Variants in HLCS observed in about 807,000 individuals in gnomAD.
HLCS encodes the protein holocarboxylase synthetase.
A neutral mutation model predicts 75.0 loss-of-function variants in HLCS; 53 were observed. The ratio of observed to expected loss-of-function variants is 0.71; its 90% CI spans 0.57 to 0.89. HLCS has a LOEUF of 0.89. HLCS is among the 40% of genes least tolerant of loss of function. HLCS has a pLI of 0.00. For missense variants in HLCS, 966 were observed against 1,074.0 expected, an observed-to-expected ratio of 0.90 and a Z score of 1.41; for synonymous variants, 431 against 428.6, an observed-to-expected ratio of 1.01 and a Z score of -0.07.
At chr21:36,962,465 C>A (rs2068350924) in intron 1 of HLCS, among the ~76,000 whole-genome samples, 1 of 152,142 alleles carries the variant, frequency 6.6e-6, no homozygotes, top group Non-Finnish European at 1.5e-5. Context: ...CTGCTTAGCA[C>A]ACAGTAGCTA....
intron 5 of HLCS, among the ~76,000 whole-genome samples, chr21:36,910,110 C>T (rs1378117670): frequency 2.0e-5 from 3 of 152,322 alleles, no homozygotes; most frequent in East Asian, 3.9e-4. Context: ...TTTGTCTACT[C>T]GTATGGAATT....
At chr21:36,837,109 G>A (rs1021464283) in intron 6 of HLCS, among the ~76,000 whole-genome samples, 2 of 152,164 alleles carry the variant, frequency 1.3e-5, no homozygotes, top group African/African-American at 4.8e-5. Flanking sequence ...CTTGAACCTG[G>A]GAGGCGGAGG....
intron 6 of HLCS, among the ~76,000 whole-genome samples, chr21:36,862,551 A>T (rs927822614): frequency 1.7e-4 from 26 of 152,226 alleles, no homozygotes; most frequent in African/African-American, 4.6e-4. Context: ...GCATCTTTTC[A>T]TGTGCTTAAT....
chr21:36,906,082 G>T (rs1005242890), intron 5 of HLCS, among the ~76,000 whole-genome samples: 3 of 150,522 alleles, frequency 2.0e-5, no homozygotes, highest in Admixed American at 2.0e-4. Context: ...AAAATTGGGT[G>T]CATTTCCATA....
rs1253301796 is a variant in HLCS, at chr21:36,750,692, T to C, written c.*3554A>G. ...GATACAAAGAACATTTGCAAATAAA[T>C]GCCATAAAATTACAGTAGCTTGGAA... On this transcript the variant is annotated 3_prime_UTR_variant, in exon 11 of 11. Transcript: ENST00000674895. Among the ~76,000 whole-genome samples, 1 of 151,232 alleles carries C rather than the reference T, an allele frequency of 6.6e-6. No individual in the cohort carries two copies. Among genetic ancestry groups the C allele is most frequent in the African/African-American group, 2.4e-5 (1 of 41,088 alleles).
At chr21:36,910,228 C>T (rs1220834783) in intron 5 of HLCS, among the ~76,000 whole-genome samples, 1 of 152,190 alleles carries the variant, frequency 6.6e-6, no homozygotes, top group African/African-American at 2.4e-5. Context: ...CCAGATGGCA[C>T]AGCAAATCTT....
At chr21:36,813,159 T>C (rs561260750) in intron 6 of HLCS, among the ~76,000 whole-genome samples, 2 of 152,354 alleles carry the variant, frequency 1.3e-5, no homozygotes, top group East Asian at 1.9e-4. Context: ...ATGGATAATT[T>C]TGCTGTAACG....
At chr21:36,833,209 G>A (rs1337099118) in intron 6 of HLCS, among the ~76,000 whole-genome samples, 2 of 150,908 alleles carry the variant, frequency 1.3e-5, no homozygotes, top group Non-Finnish European at 3.0e-5. Flanking sequence ...TTTAATTTTA[G>A]TAGAGATGAG....
chr21:36,873,193 C>T (rs1156521077), intron 6 of HLCS, among the ~76,000 whole-genome samples: 1 of 152,070 alleles, frequency 6.6e-6, no homozygotes, highest in African/African-American at 2.4e-5. Flanking sequence ...TCTCGACTCA[C>T]TGCAACCTCC....
At chr21:36,985,014 T>G (rs190013902) in intron 1 of HLCS, among the ~76,000 whole-genome samples, 58 of 152,284 alleles carry the variant, frequency 3.8e-4, no homozygotes, top group African/African-American at 1.3e-3. Context: ...CCAGAACCAT[T>G]TGAGATTAAA....
intron 5 of HLCS, among the ~76,000 whole-genome samples, chr21:36,918,193 G>C (rs543138476): frequency 6.6e-6 from 1 of 152,302 alleles, no homozygotes; most frequent in South Asian, 2.1e-4. Flanking sequence ...TGTACTGAGT[G>C]CCGGAAATTC....
intron 5 of HLCS, among the ~76,000 whole-genome samples, chr21:36,905,714 G>T (rs1040962545): frequency 1.6e-4 from 24 of 151,814 alleles, no homozygotes; most frequent in Non-Finnish European, 7.4e-5. Context: ...AAAAAAAATA[G>T]AACTAATAAG....
intron 6 of HLCS, among the ~76,000 whole-genome samples, chr21:36,768,678 T>C (rs2090128344): frequency 6.6e-6 from 1 of 152,212 alleles, no homozygotes; most frequent in Admixed American, 6.5e-5. Context: ...GCGAGCAGGC[T>C]GGCCTCGCCG....
At chr21:36,770,295 C>T (rs961844792) in intron 6 of HLCS, among the ~76,000 whole-genome samples, 1 of 151,842 alleles carries the variant, frequency 6.6e-6, no homozygotes, top group Non-Finnish European at 1.5e-5. Flanking sequence ...TACAGGTGTG[C>T]ACCACCATGC....
rs138998547 is a variant in HLCS at position 36,896,365 on chromosome 21, G to C, written c.1892+495C>G. 2.0e-5 allele frequency among the ~76,000 whole-genome samples: 3 copies of C among 152,266 alleles called. No homozygotes were observed. The East Asian group carries it at 5.8e-4, about 29-fold the overall frequency. On this transcript the variant is annotated intron_variant, in intron 6 of 10. Coordinates refer to ENST00000674895, the MANE Select transcript of HLCS (RefSeq NM_001352514.2). ...ATCCTATCTCAATCAATCAATCAAT[G>C]AATAAATGTATTGGATAGCAATGTA... is the stretch of plus-strand genomic sequence containing the variant.
intron 6 of HLCS, among the ~76,000 whole-genome samples, chr21:36,890,367 C>G (rs1016471896): frequency 6.6e-6 from 1 of 152,120 alleles, no homozygotes; most frequent in Admixed American, 6.6e-5. Context: ...GATGAAATCA[C>G]GTTTTCTAAG....
In HLCS at chr21:36,756,704, A is replaced by G; in HGVS notation, c.2288T>C (p.Leu763Pro). Residue 763 changes from leucine (L) to proline (P), a missense_variant, in exon 10 of 11, where the codon CTC becomes CCC. Physicochemically the swap from Leu to Pro is moderately conservative, Grantham distance 98. Coordinates refer to ENST00000674895, the MANE Select transcript of HLCS (RefSeq NM_001352514.2). ...NSNPTICIND[L>P]ITEYNKQHKA... ...GTGTTGTTTATTGTATTCTGTGATG[A>G]GGTCGTTGATGCAGATGGTAGGGTT... The G allele has an allele frequency of 6.2e-7, 1 of 1,614,134 alleles. No homozygotes were observed. The highest frequency in any genetic ancestry group is 8.5e-7 in the Non-Finnish European group (1 of 1,180,028).
chr21:36,985,769 G>GAA (rs781350642), intron 1 of HLCS, among the ~76,000 whole-genome samples: 1 of 116,794 alleles, frequency 8.6e-6, no homozygotes, highest in Non-Finnish European at 1.8e-5. Flanking sequence ...TGGTCTTGGG[G>GAA]AAAAAAAAAA....
chr21:36,851,263 A>C (rs1450260814), intron 6 of HLCS, among the ~76,000 whole-genome samples: 1 of 152,218 alleles, frequency 6.6e-6, no homozygotes, highest in Non-Finnish European at 1.5e-5. Context: ...AGTAGCCAAG[A>C]CCTGGGAGCA....
Sources: allele counts gnomAD v4.1 joint callset (sites outside exome capture counted in the v4.1 genomes callset), GRCh38; gene constraint gnomAD v4.1.1; transcripts MANE v1.5; gene names NCBI Gene and HGNC (gene_info 2026-07-23, HGNC 2026-07-21).